MDGA2: variants seen among roughly 807,000 people sequenced by gnomAD.
MDGA2 encodes the protein MAM domain containing glycosylphosphatidylinositol anchor 2, also known as MAM domain-containing glycosylphosphatidylinositol anchor protein 2.
In MDGA2, 40 loss-of-function variants were observed where a neutral mutation model predicts 117.8. The ratio of observed to expected loss-of-function variants is 0.34; its 90% CI spans 0.26 to 0.44. MDGA2 has a LOEUF of 0.44. Ranked by LOEUF, MDGA2 falls within the 20% of genes least tolerant of loss-of-function variation. The probability of loss-of-function intolerance (pLI) is 1.00; values close to 1 mark genes in which losing one functional copy is unlikely to be tolerated. For missense variants in MDGA2, 1,123 were observed against 1,250.6 expected (o/e 0.90, Z 1.54); for synonymous variants, 452 against 439.0 (o/e 1.03, Z -0.37).
chr14:47,399,412 G>C (rs559147238), intron 1 of MDGA2, among the ~76,000 whole-genome samples: 1 of 152,306 alleles, frequency 6.6e-6, no homozygotes, highest in African/African-American at 2.4e-5. Context: ...ATAGTTGGAA[G>C]AGAGAATGAG....
intron 1 of MDGA2, among the ~76,000 whole-genome samples, chr14:47,491,802 GAA>G (rs35423638): frequency 3.3e-5 from 5 of 150,682 alleles, no homozygotes; most frequent in African/African-American, 1.2e-4. Context: ...AAATCTGATT[GAA>G]AAAAAAAAGA....
chr14:47,020,892 A>C (rs910718152), intron 8 of MDGA2, among the ~76,000 whole-genome samples: 1 of 152,166 alleles, frequency 6.6e-6, no homozygotes, highest in African/African-American at 2.4e-5. Flanking sequence ...GAAGAAAAAA[A>C]AAAATTAGAA....
chr14:47,519,040 CT>C (rs1894813986), intron 1 of MDGA2, among the ~76,000 whole-genome samples: 1 of 151,916 alleles, frequency 6.6e-6, no homozygotes, highest in South Asian at 2.1e-4. Flanking sequence ...CCCGTCTCTA[CT>C]AAAAATACAA....
At chr14:47,308,885 G>A (rs1321647441) in intron 1 of MDGA2, among the ~76,000 whole-genome samples, 2 of 151,786 alleles carry the variant, frequency 1.3e-5, no homozygotes, top group South Asian at 2.1e-4. Flanking sequence ...TTGGTAAATC[G>A]CTATTTCTTT....
intron 3 of MDGA2, among the ~76,000 whole-genome samples, chr14:47,191,616 G>A (rs1196339402): frequency 1.3e-5 from 2 of 151,936 alleles, no homozygotes; most frequent in African/African-American, 4.8e-5. Flanking sequence ...GTAGAAAAAT[G>A]ACCCTATGTC....
intron 2 of MDGA2, among the ~76,000 whole-genome samples, chr14:47,281,722 G>C (rs1264151268): frequency 6.6e-6 from 1 of 152,068 alleles, no homozygotes; most frequent in Non-Finnish European, 1.5e-5. Flanking sequence ...TTTGAATTCT[G>C]TAATTTCTTC....
intron 5 of MDGA2, among the ~76,000 whole-genome samples, chr14:47,105,966 CGTGA>C: frequency 4.8e-5 from 1 of 20,704 alleles, no homozygotes; most frequent in East Asian, 0.083. Flanking sequence ...AGTTTCGTTC[CGTGA>C]CTAGCCGACT....
intron 1 of MDGA2, among the ~76,000 whole-genome samples, chr14:47,651,501 A>C (rs1897643877): frequency 6.6e-6 from 1 of 152,122 alleles, no homozygotes; most frequent in African/African-American, 2.4e-5. Context: ...GAATGATAGT[A>C]GAGGTTCAAA....
chr14:47,663,046 C>T (rs1208531915), intron 1 of MDGA2, among the ~76,000 whole-genome samples: 1 of 152,148 alleles, frequency 6.6e-6, no homozygotes, highest in East Asian at 1.9e-4. Flanking sequence ...ATATAAGTTA[C>T]TCAAAGGATG....
At chr14:46,991,457 G>T (rs17117894) in intron 8 of MDGA2, among the ~76,000 whole-genome samples, 187 of 152,148 alleles carry the variant, frequency 1.2e-3, no homozygotes, top group African/African-American at 4.1e-3. Flanking sequence ...ATAGTCTCTA[G>T]TATCATCTTT....
intron 3 of MDGA2, 22 bp downstream of exon 3, chr14:47,217,999 G>A: frequency 6.7e-7 from 1 of 1,493,004 alleles, no homozygotes; most frequent in Non-Finnish European, 9.0e-7. Flanking sequence ...CTTAATTATA[G>A]TTTTCTGGAA....
chr14:47,137,054 G>A (rs529793305), intron 4 of MDGA2, among the ~76,000 whole-genome samples: 188 of 152,256 alleles, frequency 1.2e-3, no homozygotes, highest in Non-Finnish European at 2.2e-3. Context: ...TTTTGTAAAG[G>A]ATGCATCCTT....
At position 47,517,937 on chromosome 14, in the gene MDGA2, A is replaced by G. The variant is rs115386589; in HGVS notation, c.280+156580T>C. Reference sequence around the variant, plus strand: ...TGTAATTCTTCTTTCTTTTAAAAATATCAATAGTGTAAAAAATTAAAGTGA... The same window carrying G: ...TGTAATTCTTCTTTCTTTTAAAAATGTCAATAGTGTAAAAAATTAAAGTGA... On this transcript the variant is annotated intron_variant, in intron 1 of 16. Transcript: ENST00000399232. Among the ~76,000 whole-genome samples, 700 of 152,290 alleles carry G rather than the reference A, an allele frequency of 4.6e-3. 7 individuals carry two copies. Among genetic ancestry groups the G allele is most frequent in the African/African-American group, 0.016 (658 of 41,564 alleles).
At chr14:47,166,679 A>C (rs1215807272) in intron 3 of MDGA2, among the ~76,000 whole-genome samples, 2 of 152,190 alleles carry the variant, frequency 1.3e-5, no homozygotes, top group Non-Finnish European at 2.9e-5. Flanking sequence ...GCTTGAAGGA[A>C]TAGGAGGAAT....
At chr14:47,629,904 C>T (rs1164630) in intron 1 of MDGA2, among the ~76,000 whole-genome samples, 24,062 of 151,964 alleles carry the variant, frequency 0.16, 1,987 homozygotes, top group East Asian at 0.25. Flanking sequence ...ATTCTAATTC[C>T]GGGGGTCTGT....
intron 1 of MDGA2, among the ~76,000 whole-genome samples, chr14:47,594,618 T>C (rs533454519): frequency 2.6e-5 from 4 of 152,342 alleles, no homozygotes; most frequent in African/African-American, 7.2e-5. Flanking sequence ...GTGTTGCTGG[T>C]ATTCTCAGAA....
chr14:47,584,349 C>G (rs1358806304), intron 1 of MDGA2, among the ~76,000 whole-genome samples: 3 of 151,712 alleles, frequency 2.0e-5, no homozygotes, highest in Non-Finnish European at 4.4e-5. Context: ...TATCTGTTTG[C>G]TACAGATTAA....
At chr14:47,045,822 G>A (rs1372996390) in intron 7 of MDGA2, among the ~76,000 whole-genome samples, 2 of 151,906 alleles carry the variant, frequency 1.3e-5, no homozygotes, top group Non-Finnish European at 2.9e-5. Flanking sequence ...AAAATTAGCC[G>A]GGCGTGGTGG....
intron 1 of MDGA2, among the ~76,000 whole-genome samples, chr14:47,506,600 C>T (rs1042286980): frequency 6.6e-6 from 1 of 152,222 alleles, no homozygotes; most frequent in South Asian, 2.1e-4. Flanking sequence ...CCATTCCAGG[C>T]CTGTCCTGTG....
Sources: allele counts gnomAD v4.1 joint callset (sites outside exome capture counted in the v4.1 genomes callset), GRCh38; gene constraint gnomAD v4.1.1; transcripts MANE v1.5; gene names NCBI Gene and HGNC (gene_info 2026-07-23, HGNC 2026-07-21).